Variants in ZDHHC2 observed in about 807,000 individuals in gnomAD.
The protein encoded by ZDHHC2 is zDHHC palmitoyltransferase 2, also known as palmitoyltransferase ZDHHC2.
In ZDHHC2, 51 loss-of-function variants were observed where a neutral mutation model predicts 55.6. The ratio of observed to expected loss-of-function variants is 0.92; its 90% CI spans 0.73 to 1.16. The LOEUF (loss-of-function observed/expected upper bound fraction) is 1.16, where lower values mean the gene tolerates loss of function less well. ZDHHC2 is among the 50% of genes most tolerant of loss of function. The pLI is 0.00. For synonymous variants in ZDHHC2, 199 were observed against 152.9 expected (o/e 1.30, Z -2.22); for missense variants, 491 against 442.4 (o/e 1.11, Z -0.99).
chr8:17,190,412 T>C (rs915640783), intron 3 of ZDHHC2, among the ~76,000 whole-genome samples: 10 of 152,196 alleles, frequency 6.6e-5, no homozygotes, highest in Non-Finnish European at 5.9e-5. Flanking sequence ...TTAAGAACCT[T>C]AGAATATTCC....
chr8:17,193,833 T>G (rs540326529), intron 3 of ZDHHC2, among the ~76,000 whole-genome samples: 1 of 152,162 alleles, frequency 6.6e-6, no homozygotes, highest in Non-Finnish European at 1.5e-5. Flanking sequence ...GTTTGTTACA[T>G]AGGTATACAC....
At chr8:17,208,147 A>C (rs528323336) in intron 8 of ZDHHC2, 55 bp downstream of exon 8, 2 of 1,462,730 alleles carry the variant, frequency 1.4e-6, no homozygotes, top group Admixed American at 2.3e-5. Flanking sequence ...ACCAACATTC[A>C]TTGACAGTTG....
At chr8:17,169,225 T>C (rs1400917881) in intron 1 of ZDHHC2, among the ~76,000 whole-genome samples, 1 of 141,260 alleles carries the variant, frequency 7.1e-6, no homozygotes, top group African/African-American at 2.7e-5. Flanking sequence ...TCAGTGTCAC[T>C]GCAGCAATTT....
chr8:17,184,721 T>G (rs1037640566), intron 1 of ZDHHC2, 68 bp from the exon 2 acceptor site: 2 of 1,342,360 alleles, frequency 1.5e-6, no homozygotes, highest in African/African-American at 3.0e-5. Flanking sequence ...CTTAAATGCC[T>G]TATGTCTGTG....
In ZDHHC2 at chr8:17,156,631, C is replaced by G. The variant is rs1804057437; in HGVS notation, c.-93C>G. On this transcript the variant is annotated 5_prime_UTR_variant, in exon 1 of 13. Coordinates refer to ENST00000262096, the MANE Select transcript of ZDHHC2 (RefSeq NM_016353.5). Reference sequence around the variant, plus strand: ...AGCGCACCCCGCCGCCGCCCAGGAGCCCGTCCAGCCAGGGGTGCCGGGCCC... The same window carrying G: ...AGCGCACCCCGCCGCCGCCCAGGAGGCCGTCCAGCCAGGGGTGCCGGGCCC... 11 of 1,022,260 alleles carry G rather than the reference C, an allele frequency of 1.1e-5. No individual in the cohort carries two copies. The highest frequency in any genetic ancestry group is 1.3e-5 in the Non-Finnish European group (11 of 841,134). 63.3% of individuals were successfully genotyped at this position (1,022,260 alleles called of 1,614,324 possible). A position where few individuals can be genotyped will look rare whatever the true frequency, so the allele number is the denominator to read the frequency against.
chr8:17,157,013 C>T lies in ZDHHC2; in HGVS notation c.130+160C>T, dbSNP rs568373885. Among the ~76,000 whole-genome samples the T allele has an allele frequency of 1.1e-4, 16 of 152,188 alleles. No homozygotes were observed. The South Asian group carries it at 3.1e-3, about 30-fold the overall frequency. ...TCCGCCGCTAAAAGCAGCCTCGGGG[C>T]AGCTTCTTCCACGCGCACGCCCCTC... On this transcript the variant is annotated intron_variant, in intron 1 of 12. Coordinates refer to ENST00000262096, the MANE Select transcript of ZDHHC2 (RefSeq NM_016353.5).
chr8:17,169,962 G>A (rs1804777300), intron 1 of ZDHHC2, among the ~76,000 whole-genome samples: 1 of 152,176 alleles, frequency 6.6e-6, no homozygotes, highest in Admixed American at 6.5e-5. Context: ...TCTTTAGGCA[G>A]TAGTCATGGA....
intron 1 of ZDHHC2, among the ~76,000 whole-genome samples, chr8:17,177,087 G>T (rs1344742464): frequency 1.3e-5 from 2 of 152,144 alleles, no homozygotes; most frequent in African/African-American, 4.8e-5. Context: ...AAAGGATTTG[G>T]CTTCAAGGGG....
At chr8:17,163,101 A>G (rs1479813409) in intron 1 of ZDHHC2, among the ~76,000 whole-genome samples, 1 of 152,206 alleles carries the variant, frequency 6.6e-6, no homozygotes, top group African/African-American at 2.4e-5. Context: ...GCATGAATGC[A>G]ACTCTCTGAA....
chr8:17,159,345 G>T (rs1804216715), intron 1 of ZDHHC2, among the ~76,000 whole-genome samples: 1 of 152,194 alleles, frequency 6.6e-6, no homozygotes. Context: ...ACCAGAGTGT[G>T]GGGGTCGAGG....
intron 6 of ZDHHC2, among the ~76,000 whole-genome samples, chr8:17,199,546 T>TGTCTTCGTCTTCGTCTTC (rs200556191): frequency 7.4e-5 from 3 of 40,668 alleles, no homozygotes; most frequent in African/African-American, 2.2e-4. Flanking sequence ...CTTCGTCTTC[T>TGTCTTCGTCTTCGTCTTC]GTCTTCGTCT....
chr8:17,156,651 G>C lies in ZDHHC2; in HGVS notation c.-73G>C. On this transcript the variant is annotated 5_prime_UTR_variant, in exon 1 of 13. Transcript: ENST00000262096. ...AGGAGCCCGTCCAGCCAGGGGTGCCGGGCCCGCCCAGCCCGCCCCGGAGCC... is the reference window on the plus strand; with the variant it reads ...AGGAGCCCGTCCAGCCAGGGGTGCCCGGCCCGCCCAGCCCGCCCCGGAGCC... The C allele has an allele frequency of 3.5e-6, 4 of 1,133,144 alleles. No individual in the cohort carries two copies. Among genetic ancestry groups the C allele is most frequent in the Non-Finnish European group, 4.3e-6 (4 of 926,400 alleles). 70.2% of individuals were successfully genotyped at this position (1,133,144 alleles called of 1,614,324 possible).
intron 1 of ZDHHC2, among the ~76,000 whole-genome samples, chr8:17,174,187 TAATC>T (rs1320632503): frequency 2.6e-5 from 4 of 151,952 alleles, no homozygotes; most frequent in Non-Finnish European, 4.4e-5. Flanking sequence ...CACCCAGATT[TAATC>T]AATCTTTCTG....
intron 4 of ZDHHC2, among the ~76,000 whole-genome samples, chr8:17,196,025 T>G (rs568372548): frequency 6.6e-6 from 1 of 152,352 alleles, no homozygotes; most frequent in African/African-American, 2.4e-5. Context: ...TATTTTTTCG[T>G]AAACTTAGAA....
chr8:17,219,233 G>C (rs1484599471), intron 12 of ZDHHC2, among the ~76,000 whole-genome samples: 1 of 110,970 alleles, frequency 9.0e-6, no homozygotes, highest in Non-Finnish European at 1.7e-5. Flanking sequence ...CTGGGAGCTT[G>C]GGTGACAGAG....
At chr8:17,157,928 C>G (rs2517064) in intron 1 of ZDHHC2, among the ~76,000 whole-genome samples, 48,713 of 152,098 alleles carry the variant, frequency 0.32, 9,264 homozygotes, top group Middle Eastern at 0.49. Flanking sequence ...AAAATCTTGT[C>G]TGAAGCCATC....
Position 17,205,689 on chromosome 8 carries a change from T to G in ZDHHC2, c.511T>G (p.Phe171Val). The change falls in exon 7 of 13, where the codon TTC (phenylalanine) becomes GTC (valine). Residue 171 changes from phenylalanine to valine, a missense_variant. Physicochemically the swap from Phe to Val is conservative, Grantham distance 50. Transcript: ENST00000262096. ...TTGTGTTGGATTTTCAAATTATAAG[T>G]TCTTTCTCCTTTTCTTGGCTTATTC... ...NNCVGFSNYK[F>V]FLLFLAYSLL... is the part of the protein sequence containing the mutation. 1 of 1,608,036 alleles carries G rather than the reference T, an allele frequency of 6.2e-7. No homozygotes were observed. The highest frequency in any genetic ancestry group is 8.5e-7 in the Non-Finnish European group (1 of 1,178,256).
chr8:17,177,282 A>T (rs1295420827), intron 1 of ZDHHC2, among the ~76,000 whole-genome samples: 2 of 152,178 alleles, frequency 1.3e-5, no homozygotes, highest in Non-Finnish European at 2.9e-5. Flanking sequence ...GAGTTGGATG[A>T]GGAGGTAAAA....
intron 6 of ZDHHC2, among the ~76,000 whole-genome samples, chr8:17,202,121 CA>C (rs1318634871): frequency 6.6e-6 from 1 of 152,112 alleles, no homozygotes; most frequent in East Asian, 1.9e-4. Context: ...CAAATAAAAA[CA>C]AATTATTTGA....
Sources: gnomAD v4.1 joint callset for allele counts (sites outside exome capture counted in the v4.1 genomes callset) on GRCh38, gnomAD v4.1.1 for gene constraint, MANE v1.5 for transcripts, NCBI Gene and HGNC (gene_info 2026-07-23, HGNC 2026-07-21) for gene names.